PCM1: variants seen among roughly 807,000 people sequenced by gnomAD.
The protein encoded by PCM1 is pericentriolar material 1 protein.
A neutral mutation model predicts 241.9 loss-of-function variants in PCM1; 157 were observed. That is an observed-to-expected ratio of 0.65 (90% CI 0.57 to 0.74). PCM1 has a LOEUF of 0.74. PCM1 is among the 30% of genes least tolerant of loss of function. The pLI is 0.00. For missense variants in PCM1, 3,478 were observed against 2,360.1 expected (o/e 1.47, Z -9.81); for synonymous variants, 1,085 against 784.9 (o/e 1.38, Z -6.39).
intron 36 of PCM1, among the ~76,000 whole-genome samples, chr8:18,018,012 G>A (rs1164168522): frequency 6.6e-6 from 1 of 152,176 alleles, no homozygotes; most frequent in Non-Finnish European, 1.5e-5. Flanking sequence ...CAGTGTTGGT[G>A]GATACCTTAT....
chr8:17,924,042 C>T (rs1351522004), intron 1 of PCM1, among the ~76,000 whole-genome samples: 2 of 150,800 alleles, frequency 1.3e-5, no homozygotes, highest in African/African-American at 2.4e-5. Flanking sequence ...TATTGTGTGT[C>T]TTACGGGTGA....
intron 8 of PCM1, among the ~76,000 whole-genome samples, chr8:17,951,122 T>G (rs1337489466): frequency 6.6e-6 from 1 of 152,238 alleles, no homozygotes; most frequent in African/African-American, 2.4e-5. Context: ...TATACAGCCT[T>G]GGAATTCTCA....
intron 21 of PCM1, 58 bp downstream of exon 21, chr8:17,967,228 A>G (rs1001860841): frequency 2.7e-5 from 33 of 1,211,610 alleles, no homozygotes; most frequent in Admixed American, 4.5e-5. Context: ...GAACAACGTA[A>G]TTTGTCTATT....
chr8:17,999,605 A>G (rs924749441), intron 29 of PCM1, among the ~76,000 whole-genome samples: 1 of 152,102 alleles, frequency 6.6e-6, no homozygotes, highest in African/African-American at 2.4e-5. Flanking sequence ...GCATTGCTGC[A>G]GTCAGTGCTG....
chr8:17,968,820 G>A (rs548047362), intron 21 of PCM1, among the ~76,000 whole-genome samples: 10 of 150,798 alleles, frequency 6.6e-5, no homozygotes, highest in Middle Eastern at 3.5e-3. Context: ...TCAAGACAGT[G>A]GCATAAAAAA....
chr8:17,930,190 G>A (rs148824921), intron 2 of PCM1, among the ~76,000 whole-genome samples: 30 of 144,346 alleles, frequency 2.1e-4, no homozygotes, highest in Non-Finnish European at 3.3e-4. Flanking sequence ...TACAAGCTCC[G>A]CCTCCTGGGT....
Position 17,962,154 on chromosome 8 carries a change from T to G in PCM1, c.2443T>G (p.Ser815Ala). ...CAAATCTGTTTTTGAGCCTGAAGAT[T>G]CTTCAATAGTAGATAATGAGGTATT... ...TSKSVFEPED[S>A]SIVDNELWSE... is the part of the protein sequence containing the mutation. Residue 815 changes from serine to alanine, a missense_variant, in exon 16 of 39, where the codon TCT becomes GCT. Coordinates refer to ENST00000325083, the MANE Select transcript of PCM1 (RefSeq NM_006197.4). 3.1e-6 allele frequency: 5 copies of G among 1,606,834 alleles called. No individual in the cohort carries two copies. The African/African-American group carries it at 4.0e-5, about 13-fold the overall frequency.
At chr8:17,939,067 A>G in intron 5 of PCM1, 58 bp downstream of exon 5, 2 of 1,562,954 alleles carry the variant, frequency 1.3e-6, no homozygotes, top group South Asian at 1.2e-5. Flanking sequence ...TACCAACAGT[A>G]AGGTTTAGAA....
chr8:18,019,687 G>T (rs1453955722), intron 36 of PCM1, among the ~76,000 whole-genome samples: 2 of 152,176 alleles, frequency 1.3e-5, no homozygotes, highest in Non-Finnish European at 2.9e-5. Context: ...GATCTGACAG[G>T]AGGCAGAGCT....
intron 6 of PCM1, among the ~76,000 whole-genome samples, chr8:17,946,014 T>C (rs2129454137): frequency 6.6e-6 from 1 of 152,264 alleles, no homozygotes; most frequent in Non-Finnish European, 1.5e-5. Flanking sequence ...ACGGTATACG[T>C]TTCGATGTAT....
At chr8:18,009,902 G>C (rs2092221765) in intron 31 of PCM1, among the ~76,000 whole-genome samples, 158 bp downstream of exon 31, 1 of 152,192 alleles carries the variant, frequency 6.6e-6, no homozygotes, top group African/African-American at 2.4e-5. Flanking sequence ...CTAGTCACTT[G>C]TGGAATTTGA....
chr8:18,013,925 T>G, intron 34 of PCM1, 39 bp from the exon 35 acceptor site: 1 of 1,235,204 alleles, frequency 8.1e-7, no homozygotes, highest in Non-Finnish European at 1.2e-6. Context: ...AGTGACCATA[T>G]ATTTCAGGCC....
intron 23 of PCM1, among the ~76,000 whole-genome samples, chr8:17,979,151 A>G (rs2079810211): frequency 1.3e-5 from 2 of 151,590 alleles, no homozygotes; most frequent in South Asian, 4.2e-4. Flanking sequence ...AAAAAAAAGC[A>G]GTTATTTGAG....
intron 6 of PCM1, among the ~76,000 whole-genome samples, chr8:17,943,346 C>T (rs564303954): frequency 6.6e-6 from 1 of 151,958 alleles, no homozygotes; most frequent in African/African-American, 2.4e-5. Context: ...AAAATGTGCC[C>T]CAGTTCACCA....
chr8:17,991,826 A>C (rs1028900717), intron 28 of PCM1, 126 bp downstream of exon 28: 2 of 601,678 alleles, frequency 3.3e-6, no homozygotes, highest in Admixed American at 3.3e-5. Context: ...CACTGTACCC[A>C]GTGTGTATTG....
intron 36 of PCM1, among the ~76,000 whole-genome samples, chr8:18,018,039 G>C (rs12544390): frequency 0.45 from 69,161 of 152,040 alleles, 17,505 homozygotes; most frequent in Non-Finnish European, 0.59. Context: ...TCAACCCCAT[G>C]CTAATAAATC....
chr8:17,988,016 G>A (rs1194892120), intron 26 of PCM1, among the ~76,000 whole-genome samples: 3 of 151,640 alleles, frequency 2.0e-5, no homozygotes, highest in African/African-American at 7.3e-5. Context: ...TACCTCTCTT[G>A]CCTAGGGAAG....
intron 6 of PCM1, among the ~76,000 whole-genome samples, chr8:17,945,239 G>C (rs1032057522): frequency 1.3e-5 from 2 of 152,042 alleles, no homozygotes; most frequent in African/African-American, 4.8e-5. Context: ...AGCCAGACTA[G>C]GATGAATTTC....
chr8:17,976,549 C>G (rs569033547), intron 23 of PCM1, among the ~76,000 whole-genome samples: 4 of 152,180 alleles, frequency 2.6e-5, no homozygotes, highest in Non-Finnish European at 4.4e-5. Context: ...TGTCCATGTT[C>G]CAGGATGATT....
Sources: allele counts gnomAD v4.1 joint callset (sites outside exome capture counted in the v4.1 genomes callset), GRCh38; gene constraint gnomAD v4.1.1; transcripts MANE v1.5; gene names NCBI Gene and HGNC (gene_info 2026-07-23, HGNC 2026-07-21).